PEAK1: variants seen among roughly 807,000 people sequenced by gnomAD.
The protein encoded by PEAK1 is pseudopodium enriched atypical kinase 1, also known as inactive tyrosine-protein kinase PEAK1.
Under a neutral mutation model 124.7 loss-of-function variants are expected in PEAK1, and 54 were observed. The observed-to-expected ratio is 0.43, with a 90% CI of 0.35 to 0.54. PEAK1 has a LOEUF of 0.54. PEAK1 is among the 20% of genes least tolerant of loss of function. The probability of loss-of-function intolerance (pLI) is 0.01; values close to 1 mark genes in which losing one functional copy is unlikely to be tolerated. For synonymous variants in PEAK1, 719 were observed against 760.0 expected (o/e 0.95, Z 0.89); for missense variants, 2,046 against 2,134.5 (o/e 0.96, Z 0.82).
intron 5 of PEAK1, among the ~76,000 whole-genome samples, chr15:77,254,968 A>G (rs112083942): frequency 0.01 from 1,566 of 152,306 alleles, 32 homozygotes; most frequent in African/African-American, 0.036. Flanking sequence ...GAGAATGGGA[A>G]GGTGAAGATG....
chr15:77,115,342 A>G, intron 9 of PEAK1, 23 bp from the exon 10 acceptor site: 3 of 1,591,638 alleles, frequency 1.9e-6, no homozygotes, highest in Non-Finnish European at 2.6e-6. Context: ...AAAACAATTC[A>G]AAACTCACAC....
intron 2 of PEAK1, chr15:77,350,112 T>C (rs2067117744): frequency 1.0e-6 from 1 of 985,320 alleles, no homozygotes; most frequent in African/African-American, 1.7e-5. Flanking sequence ...CAAATAGGTC[T>C]CTGTTCAAAG....
chr15:77,416,946 T>C (rs2072927265), intron 1 of PEAK1, among the ~76,000 whole-genome samples: 1 of 152,360 alleles, frequency 6.6e-6, no homozygotes, highest in African/African-American at 2.4e-5. Flanking sequence ...TTTTAAATTG[T>C]ATATGTAACA....
intron 1 of PEAK1, among the ~76,000 whole-genome samples, chr15:77,369,475 C>A (rs2068494593): frequency 6.6e-6 from 1 of 152,154 alleles, no homozygotes; most frequent in Non-Finnish European, 1.5e-5. Flanking sequence ...GTACCCTAAT[C>A]AACTAAATCA....
At chr15:77,240,510 C>G (rs1435759991) in intron 6 of PEAK1, among the ~76,000 whole-genome samples, 2 of 151,360 alleles carry the variant, frequency 1.3e-5, no homozygotes, top group African/African-American at 4.9e-5. Context: ...GTCTCAGCTA[C>G]TTGGGAGGCT....
At chr15:77,149,173 G>T (rs1015963901) in intron 8 of PEAK1, among the ~76,000 whole-genome samples, 1 of 152,110 alleles carries the variant, frequency 6.6e-6, no homozygotes, top group Admixed American at 6.5e-5. Flanking sequence ...TAAATCCCAT[G>T]GATCCGTCAA....
chr15:77,328,730 T>A (rs2065723894), intron 2 of PEAK1, among the ~76,000 whole-genome samples: 1 of 152,124 alleles, frequency 6.6e-6, no homozygotes, highest in African/African-American at 2.4e-5. Context: ...CACACACAAT[T>A]CACAGAAAAG....
intron 1 of PEAK1, chr15:77,418,073 A>T: frequency 3.0e-6 from 3 of 984,222 alleles, no homozygotes; most frequent in Middle Eastern, 5.2e-4. Context: ...ATGGGCCTTC[A>T]GGGTAGACTC....
intron 5 of PEAK1, among the ~76,000 whole-genome samples, chr15:77,272,498 C>A (rs1355336287): frequency 1.3e-5 from 2 of 152,068 alleles, no homozygotes; most frequent in Non-Finnish European, 2.9e-5. Flanking sequence ...TGCGCATGAA[C>A]TAGAAAACTA....
intron 7 of PEAK1, among the ~76,000 whole-genome samples, chr15:77,160,900 ATTCCATCCTCACTTGCCTG>A (rs1312601619): frequency 6.6e-6 from 1 of 152,134 alleles, no homozygotes; most frequent in Non-Finnish European, 1.5e-5. Flanking sequence ...AGAAGCCACG[ATTCCATCCTCACTTGCCTG>A]TTTTCATCCT....
At chr15:77,303,256 A>G (rs749041648) in intron 2 of PEAK1, among the ~76,000 whole-genome samples, 1 of 152,134 alleles carries the variant, frequency 6.6e-6, no homozygotes, top group African/African-American at 2.4e-5. Flanking sequence ...AAGTTTTCAA[A>G]TTAGTTGGGT....
intron 5 of PEAK1, among the ~76,000 whole-genome samples, chr15:77,260,053 T>C (rs139038240): frequency 1.3e-5 from 2 of 152,146 alleles, no homozygotes; most frequent in African/African-American, 2.4e-5. Flanking sequence ...TGTTACCAGA[T>C]AGTTGCAATA....
intron 1 of PEAK1, among the ~76,000 whole-genome samples, chr15:77,408,658 C>A (rs1333728260): frequency 1.3e-5 from 2 of 152,118 alleles, no homozygotes; most frequent in African/African-American, 4.8e-5. Flanking sequence ...TTCTTTCACA[C>A]AAACCTCCAC....
chr15:77,119,089 CT>C (rs1253598453), intron 9 of PEAK1, among the ~76,000 whole-genome samples: 5 of 152,190 alleles, frequency 3.3e-5, no homozygotes, highest in African/African-American at 1.2e-4. Flanking sequence ...ACCATAGGGC[CT>C]CTTTCTGGAT....
chr15:77,108,066 C>T (rs1352725849), downstream of PEAK1: 1 of 152,266 alleles, frequency 6.6e-6, no homozygotes, highest in Non-Finnish European at 1.5e-5. Context: ...AGGGCACCTA[C>T]CCTGGGGGGA....
At chr15:77,206,574 C>T (rs1374209152) in intron 6 of PEAK1, among the ~76,000 whole-genome samples, 1 of 151,846 alleles carries the variant, frequency 6.6e-6, no homozygotes, top group East Asian at 1.9e-4. Flanking sequence ...TCTCTGATAG[C>T]CAGTGATGAT....
At chr15:77,239,803 C>A in intron 6 of PEAK1, 1 of 978,392 alleles carries the variant, frequency 1.0e-6, no homozygotes. Context: ...TTTTAACATT[C>A]TTCTTTCAAT....
rs567363487 is a variant in PEAK1, at chr15:77,264,359, T to C, written c.-274-11833A>G. On this transcript the variant is annotated intron_variant, in intron 5 of 9. Transcript: ENST00000682557. ...ATGATTGTATATCTAGAAAACCCCATTGTCTCAGCCCAAAATCTCCTAAAG... is the reference window on the plus strand; with the variant it reads ...ATGATTGTATATCTAGAAAACCCCACTGTCTCAGCCCAAAATCTCCTAAAG... Among the ~76,000 whole-genome samples the C allele has an allele frequency of 6.1e-3, 930 of 152,232 alleles. 8 individuals carry two copies. The highest frequency in any genetic ancestry group is 0.018 in the African/African-American group (757 of 41,536).
intron 5 of PEAK1, among the ~76,000 whole-genome samples, chr15:77,270,657 G>A (rs771020946): frequency 5.9e-5 from 9 of 152,092 alleles, no homozygotes; most frequent in Non-Finnish European, 1.0e-4. Flanking sequence ...GGCAATGAGG[G>A]CTCTTTTTTG....
Sources: gnomAD v4.1 joint callset for allele counts (sites outside exome capture counted in the v4.1 genomes callset) on GRCh38, gnomAD v4.1.1 for gene constraint, MANE v1.5 for transcripts, NCBI Gene and HGNC (gene_info 2026-07-23, HGNC 2026-07-21) for gene names.